Variants in SLC38A1 observed in about 807,000 individuals in gnomAD.
SLC38A1 encodes solute carrier family 38 member 1.
In SLC38A1, 18 loss-of-function variants were observed where a neutral mutation model predicts 60.3. That is an observed-to-expected ratio of 0.30 (90% CI 0.21 to 0.44). The LOEUF (loss-of-function observed/expected upper bound fraction) is 0.44, where lower values mean the gene tolerates loss of function less well. SLC38A1 is among the 20% of genes least tolerant of loss of function. The pLI is 1.00. For synonymous variants in SLC38A1, 196 were observed against 212.1 expected (o/e 0.92, Z 0.66); for missense variants, 448 against 587.2 (o/e 0.76, Z 2.45).
At chr12:46,223,011 A>C (rs895116691) in intron 5 of SLC38A1, among the ~76,000 whole-genome samples, 2 of 152,166 alleles carry the variant, frequency 1.3e-5, no homozygotes, top group African/African-American at 4.8e-5. Context: ...TTAAAGGTAC[A>C]TTATATTGGA....
chr12:46,208,910 T>C, intron 6 of SLC38A1, 144 bp downstream of exon 6: 1 of 614,070 alleles, frequency 1.6e-6, no homozygotes, highest in South Asian at 2.0e-5. Flanking sequence ...AATACTACTA[T>C]AGGTCTTCCA....
At chr12:46,212,981 G>A (rs1437664128) in intron 5 of SLC38A1, among the ~76,000 whole-genome samples, 1 of 152,112 alleles carries the variant, frequency 6.6e-6, no homozygotes, top group Non-Finnish European at 1.5e-5. Context: ...TCCTGAGGGT[G>A]CTCATTTTAA....
Position 46,268,012 on chromosome 12 carries a change from G to A in SLC38A1, c.-209+514C>T, listed in dbSNP as rs1592169024. ...GCAAACATGCCCCGGTTTAGTGGTG[G>A]TCCGCGGCCGCTACCCAGCCGGCCG... On this transcript the variant is annotated intron_variant, in intron 1 of 16. Transcript: ENST00000398637. The surrounding 1 kb of genome is among the most constrained non-coding windows in gnomAD (Gnocchi z 4.4). Among the ~76,000 whole-genome samples, 2 of 152,296 alleles carry A rather than the reference G, an allele frequency of 1.3e-5. No individual in the cohort carries two copies. The highest frequency in any genetic ancestry group is 4.8e-5 in the African/African-American group (2 of 41,566).
At chr12:46,201,506 T>C (rs1271549716) in intron 12 of SLC38A1, among the ~76,000 whole-genome samples, 4 of 152,144 alleles carry the variant, frequency 2.6e-5, no homozygotes, top group African/African-American at 9.7e-5. Context: ...ATCTCCACAC[T>C]AGCTGGGCAA....
intron 5 of SLC38A1, among the ~76,000 whole-genome samples, chr12:46,218,415 C>A (rs145556170): frequency 6.6e-6 from 1 of 151,606 alleles, no homozygotes; most frequent in Non-Finnish European, 1.5e-5. Context: ...ACTTTTGTTC[C>A]GGTAGAAAGG....
At chr12:46,209,205 G>A (rs1940040975) in intron 5 of SLC38A1, 78 bp from the exon 6 acceptor site, 1 of 1,020,602 alleles carries the variant, frequency 9.8e-7, no homozygotes, top group Admixed American at 2.1e-5. Flanking sequence ...AAGGGCAAAG[G>A]TTTATTTGTA....
chr12:46,211,069 C>T (rs939091693), intron 5 of SLC38A1, among the ~76,000 whole-genome samples: 2 of 151,872 alleles, frequency 1.3e-5, no homozygotes, highest in African/African-American at 4.8e-5. Flanking sequence ...GATTTTTTTT[C>T]CCGTCAAGTA....
At chr12:46,227,081 A>G (rs987705717) in intron 5 of SLC38A1, among the ~76,000 whole-genome samples, 7 of 152,218 alleles carry the variant, frequency 4.6e-5, no homozygotes, top group African/African-American at 1.7e-4. Flanking sequence ...ACCTGGCTAT[A>G]TATAAAAGAT....
At position 46,221,774 on chromosome 12, in the gene SLC38A1, G is replaced by A. The variant is rs116041652; in HGVS notation, c.314+7379C>T. On this transcript the variant is annotated intron_variant, in intron 5 of 16. Coordinates refer to ENST00000398637, the MANE Select transcript of SLC38A1 (RefSeq NM_030674.4). ...CAGCATTCAATAGGGAAGGTAAAAT[G>A]TATGCTTAAATAATGGAAGTGATAC... Among the ~76,000 whole-genome samples, 689 of 152,282 alleles carry A rather than the reference G, an allele frequency of 4.5e-3. 8 individuals carry two copies. Among genetic ancestry groups the A allele is most frequent in the African/African-American group, 0.016 (660 of 41,544 alleles).
At chr12:46,209,633 C>T (rs938031819) in intron 5 of SLC38A1, among the ~76,000 whole-genome samples, 7 of 152,194 alleles carry the variant, frequency 4.6e-5, no homozygotes, top group Non-Finnish European at 7.4e-5. Context: ...TCATCTATTA[C>T]TTCATGGCTA....
chr12:46,258,128 T>C (rs985891706), intron 1 of SLC38A1, among the ~76,000 whole-genome samples: 12 of 152,198 alleles, frequency 7.9e-5, no homozygotes, highest in Non-Finnish European at 1.5e-4. Context: ...CAGAGGTCAC[T>C]CTCATCATCA....
At chr12:46,216,614 G>A (rs1940423984) in intron 5 of SLC38A1, among the ~76,000 whole-genome samples, 1 of 152,168 alleles carries the variant, frequency 6.6e-6, no homozygotes, top group Non-Finnish European at 1.5e-5. Flanking sequence ...ACTTTGGGAG[G>A]CAGAGGTGGG....
intron 1 of SLC38A1, among the ~76,000 whole-genome samples, chr12:46,243,964 G>A (rs1941531310): frequency 6.6e-6 from 1 of 152,156 alleles, no homozygotes. Flanking sequence ...TCAAAGGAGA[G>A]GATACACAAA....
chr12:46,196,099 A>G, intron 16 of SLC38A1: 2 of 1,522,268 alleles, frequency 1.3e-6, no homozygotes. Context: ...AACCTCAGGT[A>G]TTTCTTTATT....
In SLC38A1 at chr12:46,185,368, A is replaced by T. The variant is rs1276339283; in HGVS notation, c.*3602T>A. On this transcript the variant is annotated 3_prime_UTR_variant, in exon 17 of 17. Transcript: ENST00000398637. ...GCTCGCCGAAGCACTGAGGAATCTT[A>T]CCACAACCCTGTGTCCACCACAAGC... The T allele has an allele frequency of 6.6e-6, 1 of 152,052 alleles. No homozygotes were observed. Among genetic ancestry groups the T allele is most frequent in the African/African-American group, 2.4e-5 (1 of 41,388 alleles). The allele number at this position is 152,052 out of a possible 1,614,324, so 9.4% of individuals were successfully genotyped here. A position where few individuals can be genotyped will look rare whatever the true frequency, so the allele number is the denominator to read the frequency against.
chr12:46,192,287 T>C (rs1462940549), intron 16 of SLC38A1, among the ~76,000 whole-genome samples: 1 of 152,256 alleles, frequency 6.6e-6, no homozygotes, highest in Non-Finnish European at 1.5e-5. Context: ...TGAAGCTGAC[T>C]TGATCATAGT....
chr12:46,206,224 T>G (rs1565758843), intron 8 of SLC38A1, 62 bp from the exon 9 acceptor site: 11 of 958,610 alleles, frequency 1.1e-5, no homozygotes, highest in Non-Finnish European at 1.8e-5. Context: ...TCCCCTCCAA[T>G]GTAAAATTTC....
intron 16 of SLC38A1, chr12:46,196,424 AC>A: frequency 8.9e-7 from 1 of 1,129,916 alleles, no homozygotes; most frequent in Non-Finnish European, 1.2e-6. Context: ...TCATTATGGG[AC>A]CAGGGTTGGA....
At chr12:46,221,039 T>C (rs1271619892) in intron 5 of SLC38A1, among the ~76,000 whole-genome samples, 1 of 152,228 alleles carries the variant, frequency 6.6e-6, no homozygotes, top group East Asian at 1.9e-4. Context: ...CCTGGTAGTC[T>C]GATCTCAGTT....
Sources: gnomAD v4.1 joint callset for allele counts (sites outside exome capture counted in the v4.1 genomes callset) on GRCh38, gnomAD v4.1.1 for gene constraint, Gnocchi (gnomAD v3.1) non-coding constraint, MANE v1.5 for transcripts, NCBI Gene and HGNC (gene_info 2026-07-23, HGNC 2026-07-21) for gene names.